The following CDH13 variants were observed in gnomAD, a reference collection of about 807,000 sequenced individuals.
CDH13 encodes cadherin-13.
In CDH13, 24 loss-of-function variants were observed where a neutral mutation model predicts 63.8. The observed-to-expected ratio is 0.38, with a 90% CI of 0.27 to 0.53. The LOEUF is 0.53. Among genes scored for constraint, CDH13 ranks in the 20% least tolerant of loss-of-function variants. The pLI, the probability that CDH13 is intolerant of heterozygous loss-of-function variation, is 0.85. For synonymous variants in CDH13, 503 were observed against 355.3 expected (o/e 1.42, Z -4.67); for missense variants, 1,049 against 903.1 (o/e 1.16, Z -2.07).
intron 4 of CDH13, among the ~76,000 whole-genome samples, chr16:83,175,131 C>T (rs76688464): frequency 0.02 from 3,005 of 151,576 alleles, 102 homozygotes; most frequent in African/African-American, 0.069. Context: ...AGATATGAAA[C>T]GTTTCCATCA....
At chr16:82,790,671 A>T (rs1324916281) in intron 1 of CDH13, among the ~76,000 whole-genome samples, 3 of 152,150 alleles carry the variant, frequency 2.0e-5, no homozygotes, top group African/African-American at 7.2e-5. Context: ...CTCACAGTTC[A>T]CCATGGCTGG....
In CDH13 at chr16:82,787,517, A is replaced by C. The variant is rs575582346; in HGVS notation, c.46-70845A>C. Among the ~76,000 whole-genome samples the C allele has an allele frequency of 1.9e-4, 29 of 152,314 alleles. No individual in the cohort carries two copies. The South Asian group carries it at 6.0e-3, about 32-fold the overall frequency. ...AAAAAATGCTGCATTGGGGGGCTTTAATCAGAAATCCATGAAAAATAGTGT... is the reference window on the plus strand; with the variant it reads ...AAAAAATGCTGCATTGGGGGGCTTTCATCAGAAATCCATGAAAAATAGTGT... On this transcript the variant is annotated intron_variant, in intron 1 of 13. Transcript: ENST00000567109.
At chr16:83,502,419 CAGA>C (rs927732119) in intron 7 of CDH13, among the ~76,000 whole-genome samples, 1 of 152,086 alleles carries the variant, frequency 6.6e-6, no homozygotes, top group African/African-American at 2.4e-5. Context: ...GAGAGAAATT[CAGA>C]AGGATTGCAG....
rs79879245 is a variant in CDH13, at chr16:83,121,566, A to G, written c.367-3819A>G. ...GAGTGATGATGATAGTGGTCGGAAC[A>G]TGGTCTTCACAGTTGCCTTATTGGT... On this transcript the variant is annotated intron_variant, in intron 3 of 13. Transcript: ENST00000567109. Among the ~76,000 whole-genome samples, 41 of 152,320 alleles carry G rather than the reference A, an allele frequency of 2.7e-4. No homozygotes were observed. The South Asian group carries it at 5.8e-3, about 22-fold the overall frequency.
chr16:82,988,907 C>T (rs1208622623), intron 2 of CDH13, among the ~76,000 whole-genome samples: 2 of 152,106 alleles, frequency 1.3e-5, no homozygotes, highest in African/African-American at 2.4e-5. Context: ...TCAGAACATT[C>T]CAAGTGAGAC....
chr16:82,948,206 G>A (rs1359621061), intron 2 of CDH13, among the ~76,000 whole-genome samples: 5 of 152,090 alleles, frequency 3.3e-5, no homozygotes, highest in Non-Finnish European at 7.4e-5. Context: ...CCAACATTAT[G>A]TATTTACTCC....
chr16:83,560,368 G>A (rs946791017), intron 7 of CDH13, among the ~76,000 whole-genome samples: 6 of 152,170 alleles, frequency 3.9e-5, no homozygotes, highest in Admixed American at 2.6e-4. Flanking sequence ...CCTGCCATTT[G>A]CAACATCATG....
At chr16:83,395,280 C>G (rs9673291) in intron 6 of CDH13, among the ~76,000 whole-genome samples, 1 of 151,286 alleles carries the variant, frequency 6.6e-6, no homozygotes, top group African/African-American at 2.4e-5. Flanking sequence ...TGCCACTGCA[C>G]TCTAGCCTGG....
intron 5 of CDH13, among the ~76,000 whole-genome samples, chr16:83,269,149 GT>G (rs1379665308): frequency 6.6e-6 from 1 of 152,132 alleles, no homozygotes; most frequent in Non-Finnish European, 1.5e-5. Flanking sequence ...TTCTCTCCTA[GT>G]TTTTGGAAAT....
At chr16:83,322,681 A>C (rs1440520998) in intron 5 of CDH13, among the ~76,000 whole-genome samples, 1 of 152,154 alleles carries the variant, frequency 6.6e-6, no homozygotes, top group African/African-American at 2.4e-5. Flanking sequence ...ACTGTCAAGA[A>C]ACCTGGCAGA....
intron 7 of CDH13, 100 bp downstream of exon 7, chr16:83,486,755 G>A (rs1046252091): frequency 3.7e-6 from 4 of 1,073,544 alleles, no homozygotes; most frequent in Middle Eastern, 2.2e-4. Context: ...TTTTAATACT[G>A]TAAAGGCAGA....
rs1307863408 is a variant in CDH13 at position 83,435,467 on chromosome 16, T to C, written c.782-51010T>C. On this transcript the variant is annotated intron_variant, in intron 6 of 13. Coordinates refer to ENST00000567109, the MANE Select transcript of CDH13 (RefSeq NM_001257.5). ...GCCCCAAAGCAACATCTAACTCTGA[T>C]GTGGTCCAGCCCTGCTGCCTCTCTG... Among the ~76,000 whole-genome samples, 3 of 152,154 alleles carry C rather than the reference T, an allele frequency of 2.0e-5. No homozygotes were observed. The East Asian group carries it at 5.8e-4, about 29-fold the overall frequency.
intron 2 of CDH13, among the ~76,000 whole-genome samples, chr16:82,987,607 C>T (rs1032741181): frequency 6.6e-6 from 1 of 152,170 alleles, no homozygotes; most frequent in African/African-American, 2.4e-5. Context: ...AAACTCCTGA[C>T]CTCAGGTGAT....
In CDH13 at chr16:83,574,918, A is replaced by G. The variant is rs575720048; in HGVS notation, c.961-27536A>G. ...TGAAATACCCAAGAGAAATGAAAAC[A>G]CACATCCACAGAGAAACCATGAACA... On this transcript the variant is annotated intron_variant, in intron 7 of 13. Transcript: ENST00000567109. Among the ~76,000 whole-genome samples the G allele has an allele frequency of 3.2e-3, 495 of 152,344 alleles. 4 individuals carry two copies. The highest frequency in any genetic ancestry group is 0.025 in the South Asian group (122 of 4,826).
chr16:83,626,257 G>A (rs536000197), intron 8 of CDH13, among the ~76,000 whole-genome samples: 6 of 152,218 alleles, frequency 3.9e-5, no homozygotes, highest in East Asian at 3.9e-4. Context: ...TTTCATGACC[G>A]GAGTCAATGC....
At chr16:83,292,943 C>T (rs1424919704) in intron 5 of CDH13, among the ~76,000 whole-genome samples, 1 of 152,092 alleles carries the variant, frequency 6.6e-6, no homozygotes, top group Non-Finnish European at 1.5e-5. Flanking sequence ...ATATCAAATA[C>T]TCGATTCCAT....
chr16:82,800,966 A>G (rs1567548964), intron 1 of CDH13, among the ~76,000 whole-genome samples: 1 of 152,146 alleles, frequency 6.6e-6, no homozygotes, highest in East Asian at 1.9e-4. Flanking sequence ...AAGGAGAAAA[A>G]AAGGGAATAG....
chr16:83,429,927 C>G (rs1400127706), intron 6 of CDH13, among the ~76,000 whole-genome samples: 1 of 152,084 alleles, frequency 6.6e-6, no homozygotes, highest in African/African-American at 2.4e-5. Flanking sequence ...AAACTGATGC[C>G]CATTGATTAT....
At chr16:83,390,311 T>G (rs1389298763) in intron 6 of CDH13, among the ~76,000 whole-genome samples, 3 of 152,176 alleles carry the variant, frequency 2.0e-5, no homozygotes, top group African/African-American at 7.2e-5. Context: ...GGTCTCAGCA[T>G]GCAGCATCAC....
Sources: gnomAD v4.1 joint callset for allele counts (sites outside exome capture counted in the v4.1 genomes callset) on GRCh38, gnomAD v4.1.1 for gene constraint, MANE v1.5 for transcripts, NCBI Gene and HGNC (gene_info 2026-07-23, HGNC 2026-07-21) for gene names.